ARMH3: variants seen among roughly 807,000 people sequenced by gnomAD.
ARMH3 encodes the protein armadillo-like helical domain-containing protein 3.
ARMH3 carries 60 observed loss-of-function variants against 99.1 expected under a neutral mutation model. The ratio of observed to expected loss-of-function variants is 0.61; its 90% CI spans 0.49 to 0.75. ARMH3 has a LOEUF of 0.75. ARMH3 is among the 30% of genes least tolerant of loss of function. ARMH3 has a pLI of 0.00. For missense variants in ARMH3, 679 were observed against 843.1 expected (o/e 0.81, Z 2.41); for synonymous variants, 285 against 292.8 (o/e 0.97, Z 0.27).
chr10:101,880,101 T>C (rs1359410112), intron 24 of ARMH3, among the ~76,000 whole-genome samples: 3 of 152,206 alleles, frequency 2.0e-5, no homozygotes, highest in African/African-American at 7.2e-5. Flanking sequence ...CACTCGAGAA[T>C]TCGCAAAGCA....
chr10:102,033,560 A>T (rs2136212011), intron 2 of ARMH3: 2 of 453,644 alleles, frequency 4.4e-6, no homozygotes, highest in East Asian at 7.2e-5. Flanking sequence ...CTGGGACTAC[A>T]GGCGCCCACC....
chr10:101,847,875 G>C lies in ARMH3; in HGVS notation c.1978-255C>G, dbSNP rs79537022. 5.2e-3 allele frequency among the ~76,000 whole-genome samples: 796 copies of C among 152,300 alleles called. 14 individuals carry two copies. The highest frequency in any genetic ancestry group is 0.018 in the African/African-American group (745 of 41,562). On this transcript the variant is annotated intron_variant, in intron 25 of 25. Transcript: ENST00000370033. The stretch of plus-strand genomic sequence containing the variant: ...AGAAGAGCATCTGGGCTCCTGGGGA[G>C]GTAGAAGCAGGCACAGACAAGAAAG...
At chr10:102,049,947 C>G (rs766556556) in intron 1 of ARMH3, among the ~76,000 whole-genome samples, 2 of 152,176 alleles carry the variant, frequency 1.3e-5, no homozygotes, top group Non-Finnish European at 2.9e-5. Flanking sequence ...TCTGGTAGCG[C>G]TTCTCCCTAT....
chr10:101,919,255 A>C (rs1482148478), intron 23 of ARMH3, among the ~76,000 whole-genome samples: 3 of 151,998 alleles, frequency 2.0e-5, no homozygotes, highest in Non-Finnish European at 4.4e-5. Flanking sequence ...TTTTTGTCTT[A>C]AACAATGACC....
intron 9 of ARMH3, among the ~76,000 whole-genome samples, chr10:102,013,329 A>C (rs2066673197): frequency 6.6e-6 from 1 of 152,224 alleles, no homozygotes; most frequent in Non-Finnish European, 1.5e-5. Context: ...GCATTCAATA[A>C]ATGTTAAAGT....
At chr10:102,039,077 G>C (rs984899682) in intron 2 of ARMH3, among the ~76,000 whole-genome samples, 1 of 151,570 alleles carries the variant, frequency 6.6e-6, no homozygotes, top group Admixed American at 6.6e-5. Context: ...TACTTTATGC[G>C]TACTACTTAT....
At chr10:101,991,875 G>T in intron 18 of ARMH3, 94 bp downstream of exon 18, 2 of 1,182,120 alleles carry the variant, frequency 1.7e-6, no homozygotes, top group East Asian at 2.4e-5. Flanking sequence ...TTTATTTGCG[G>T]AAGAAGCACA....
At chr10:101,925,256 T>C (rs1163555767) in intron 23 of ARMH3, among the ~76,000 whole-genome samples, 1 of 152,214 alleles carries the variant, frequency 6.6e-6, no homozygotes, top group East Asian at 1.9e-4. Flanking sequence ...AATAGTCTCC[T>C]TGTAATCTGA....
chr10:102,009,541 C>A (rs542323737), intron 12 of ARMH3, 92 bp from the exon 13 acceptor site: 71 of 1,080,726 alleles, frequency 6.6e-5, no homozygotes, highest in Non-Finnish European at 8.8e-5. Flanking sequence ...TGCACCCCAG[C>A]GCCTCATTAT....
At chr10:101,919,231 C>T (rs964120108) in intron 23 of ARMH3, among the ~76,000 whole-genome samples, 5 of 152,092 alleles carry the variant, frequency 3.3e-5, no homozygotes, top group Non-Finnish European at 5.9e-5. Context: ...TCCTTCTCTC[C>T]GTCCCTTCCT....
At chr10:101,868,997 G>A (rs1233196760) in intron 24 of ARMH3, among the ~76,000 whole-genome samples, 3 of 151,778 alleles carry the variant, frequency 2.0e-5, no homozygotes, top group Admixed American at 6.6e-5. Flanking sequence ...GTTTGAACCC[G>A]GGAGGCAGAG....
At chr10:101,876,259 A>AC (rs1225649450) in intron 24 of ARMH3, among the ~76,000 whole-genome samples, 5 of 151,610 alleles carry the variant, frequency 3.3e-5, no homozygotes, top group Admixed American at 6.6e-5. Flanking sequence ...AAAAAAAAAA[A>AC]AAAAAAAAAC....
In ARMH3 at chr10:101,993,569, T is replaced by C; in HGVS notation, c.1244A>G (p.Asn415Ser). The change falls in exon 17 of 26, where the codon AAC becomes AGC. Residue 415 changes from asparagine (N) to serine (S), a missense_variant. Coordinates refer to ENST00000370033, the MANE Select transcript of ARMH3 (RefSeq NM_024541.3). ...QYANAFLHDDNMNFRVNLHRM... is the reference protein window; with the variant it reads ...QYANAFLHDDSMNFRVNLHRM... ...ATGTAAGTTTACTCGAAAATTCATG[T>C]TGTCATCATGCAAAAATGCATTGGC... The C allele has an allele frequency of 6.2e-7, 1 of 1,602,256 alleles. No homozygotes were observed. Among genetic ancestry groups the C allele is most frequent in the Non-Finnish European group, 8.5e-7 (1 of 1,175,226 alleles).
chr10:101,966,306 T>G (rs1365156363), intron 20 of ARMH3, among the ~76,000 whole-genome samples: 2 of 137,650 alleles, frequency 1.5e-5, no homozygotes, highest in African/African-American at 5.5e-5. Context: ...TTTTTTTTTT[T>G]TTTTTTTTGA....
At chr10:102,044,561 A>C (rs1451056230) in intron 1 of ARMH3, among the ~76,000 whole-genome samples, 1 of 151,812 alleles carries the variant, frequency 6.6e-6, no homozygotes, top group Non-Finnish European at 1.5e-5. Context: ...TTATAGAAAC[A>C]GGATTTTGCC....
At chr10:101,864,729 A>T (rs1442120676) in intron 24 of ARMH3, among the ~76,000 whole-genome samples, 1 of 152,096 alleles carries the variant, frequency 6.6e-6, no homozygotes, top group Non-Finnish European at 1.5e-5. Flanking sequence ...AACATCACAC[A>T]CTGGGGTCTG....
chr10:101,865,169 T>C (rs540666014), intron 24 of ARMH3, among the ~76,000 whole-genome samples: 4 of 151,238 alleles, frequency 2.6e-5, no homozygotes, highest in African/African-American at 7.3e-5. Context: ...TGAGCTGAGA[T>C]TGCGCCACTG....
At chr10:102,020,683 G>C (rs1292316044) in intron 8 of ARMH3, among the ~76,000 whole-genome samples, 1 of 87,570 alleles carries the variant, frequency 1.1e-5, no homozygotes, top group Non-Finnish European at 2.4e-5. Flanking sequence ...CTCCATCTCA[G>C]AAAAAAAAAA....
intron 23 of ARMH3, among the ~76,000 whole-genome samples, chr10:101,903,497 G>C (rs1370478775): frequency 1.3e-5 from 2 of 152,194 alleles, no homozygotes; most frequent in Non-Finnish European, 2.9e-5. Context: ...CACAGAGGAG[G>C]GGTGCTTAGC....
Sources: gnomAD v4.1 joint callset for allele counts (sites outside exome capture counted in the v4.1 genomes callset) on GRCh38, gnomAD v4.1.1 for gene constraint, MANE v1.5 for transcripts, NCBI Gene and HGNC (gene_info 2026-07-23, HGNC 2026-07-21) for gene names.